Variants in THAP3 observed in about 807,000 individuals in gnomAD.
THAP3 encodes the protein THAP domain-containing protein 3.
Under a neutral mutation model 17.7 loss-of-function variants are expected in THAP3, and 12 were observed. The ratio of observed to expected loss-of-function variants is 0.68; its 90% CI spans 0.43 to 1.10. The LOEUF (loss-of-function observed/expected upper bound fraction) is 1.10, where lower values mean the gene tolerates loss of function less well. THAP3 is among the 50% of genes least tolerant of loss of function. The pLI is 0.00. For synonymous variants in THAP3, 133 were observed against 126.9 expected, an observed-to-expected ratio of 1.05 and a Z score of -0.32; for missense variants, 289 against 318.0, an observed-to-expected ratio of 0.91 and a Z score of 0.69.
rs918441700 is a variant in THAP3, at chr1:6,628,830, G to A, written c.267+139G>A. ...GTGACAACAGCACTGTCACGCCTCT[G>A]GGGTCCACAGCCCTGTGGCCCTGCT... On this transcript the variant is annotated intron_variant, in intron 3 of 5. Coordinates refer to ENST00000054650, the MANE Select transcript of THAP3 (RefSeq NM_001195753.2). 8.6e-6 allele frequency: 7 copies of A among 815,592 alleles called. No individual in the cohort carries two copies. The African/African-American group carries it at 1.2e-4, about 14-fold the overall frequency. The allele number at this position is 815,592 out of a possible 1,614,324, so 50.5% of individuals were successfully genotyped here.
Position 6,633,219 on chromosome 1 carries a change from GCCAAGCTC to G in THAP3, c.*145_*152del, listed in dbSNP as rs1380695551. ...TGCTTGGCCGGGGATCGAGACAGTA[GCCAAGCTC>G]CCCGGCGAGAGCCCCAATGCCGTCT... On this transcript the variant is annotated 3_prime_UTR_variant, in exon 6 of 6. Transcript: ENST00000054650. The G allele has an allele frequency of 6.9e-7, 1 of 1,449,246 alleles. No homozygotes were observed. The highest frequency in any genetic ancestry group is 1.4e-5 in the African/African-American group (1 of 69,848). 89.8% of individuals were successfully genotyped at this position (1,449,246 alleles called of 1,614,324 possible).
At chr1:6,625,012 C>T (rs1641419790) in intron 1 of THAP3, 58 bp downstream of exon 1, 2 of 562,018 alleles carry the variant, frequency 3.6e-6, no homozygotes, top group South Asian at 4.3e-5. Context: ...AATTGGGGCC[C>T]GGAGCACCCC....
rs1376189773 is a variant in THAP3, at chr1:6,633,371, CGCAGA to C, written c.*298_*302del. 18 of 1,282,122 alleles carry C rather than the reference CGCAGA, an allele frequency of 1.4e-5. No homozygotes were observed. Among genetic ancestry groups the C allele is most frequent in the East Asian group, 7.3e-5 (2 of 27,348 alleles). The allele number at this position is 1,282,122 out of a possible 1,614,324, so 79.4% of individuals were successfully genotyped here. ...TTCTGGACGCTGTCCTTTCAGCACA[CGCAGA>C]GCAAAGATCGTTGGAAGCCCCAGTG... On this transcript the variant is annotated 3_prime_UTR_variant, in exon 6 of 6. Transcript: ENST00000054650.
chr1:6,627,439 A>C (rs1332269162), intron 2 of THAP3, among the ~76,000 whole-genome samples: 1 of 152,214 alleles, frequency 6.6e-6, no homozygotes, highest in Non-Finnish European at 1.5e-5. Flanking sequence ...GTCTCGGCTC[A>C]CTGCAGCCTC....
intron 4 of THAP3, among the ~76,000 whole-genome samples, chr1:6,631,092 C>A (rs1003440822): frequency 6.6e-6 from 1 of 152,028 alleles, no homozygotes; most frequent in Middle Eastern, 3.4e-3. Flanking sequence ...GCAGCCTCAA[C>A]CTCCCAGGAT....
downstream of THAP3, chr1:6,634,245 C>G: frequency 1.1e-6 from 1 of 872,030 alleles, no homozygotes; most frequent in Non-Finnish European, 1.7e-6. Flanking sequence ...GGATGGGTGC[C>G]CAGAAGCACC....
At chr1:6,634,445 TG>T (rs1641714549), downstream of THAP3, 2 of 1,288,070 alleles carry the variant, frequency 1.6e-6, no homozygotes, top group Non-Finnish European at 2.0e-6. Context: ...ATACCAGTGC[TG>T]GGGAGGGAGG....
chr1:6,626,369 CCCT>C (rs1363391696), intron 2 of THAP3, among the ~76,000 whole-genome samples: 3 of 152,006 alleles, frequency 2.0e-5, no homozygotes, highest in African/African-American at 7.3e-5. Context: ...CCCTCCCAGG[CCCT>C]CCTCCTCTCT....
intron 2 of THAP3, 117 bp from the exon 3 acceptor site, chr1:6,628,382 G>T (rs781053657): frequency 1.5e-5 from 12 of 782,212 alleles, no homozygotes; most frequent in Non-Finnish European, 2.4e-5. Flanking sequence ...AAACCGAGAG[G>T]ACTGAATGTC....
rs1452101426 is a variant in THAP3 at position 6,632,458 on chromosome 1, T to C, written c.401T>C (p.Leu134Pro). The C allele has an allele frequency of 6.2e-7, 1 of 1,614,148 alleles. No homozygotes were observed. Among genetic ancestry groups the C allele is most frequent in the Non-Finnish European group, 8.5e-7 (1 of 1,180,018 alleles). Residue 134 changes from leucine (L) to proline (P), a missense_variant, in exon 5 of 6, where the codon CTT becomes CCT. Physicochemically the swap from Leu to Pro is moderately conservative, Grantham distance 98. Transcript: ENST00000054650. ...GRNMDTALEELQLPPNAEGHV... is the reference protein window; with the variant it reads ...GRNMDTALEEPQLPPNAEGHV... Reference sequence around the variant, plus strand: ...AACATGGACACTGCACTTGAAGAGCTTCAGTTGCCCCCAAATGCCGAAGGC... The same window carrying C: ...AACATGGACACTGCACTTGAAGAGCCTCAGTTGCCCCCAAATGCCGAAGGC...
chr1:6,634,178 G>A (rs1641707167), downstream of THAP3: 3 of 1,289,988 alleles, frequency 2.3e-6, no homozygotes, highest in Non-Finnish European at 2.2e-6. Context: ...TCTGCTTTCA[G>A]GAAAGGTTTA....
chr1:6,634,651 G>A, downstream of THAP3: 1 of 1,366,476 alleles, frequency 7.3e-7, no homozygotes, highest in Non-Finnish European at 9.8e-7. Flanking sequence ...GCCGTGGAGG[G>A]GGTCCTAGCT....
At chr1:6,634,612 C>T (rs780539536), downstream of THAP3, 51 of 1,366,242 alleles carry the variant, frequency 3.7e-5, no homozygotes, top group Non-Finnish European at 4.9e-5. Context: ...AGACAGGCCT[C>T]ACGTAACTTT....
downstream of THAP3, chr1:6,634,384 C>A: frequency 8.4e-7 from 1 of 1,191,880 alleles, no homozygotes; most frequent in Non-Finnish European, 1.1e-6. Flanking sequence ...AATTGGACAA[C>A]CCGAACTGCT....
At chr1:6,634,986 GC>G, downstream of THAP3, 1 of 729,160 alleles carries the variant, frequency 1.4e-6, no homozygotes, top group Non-Finnish European at 1.9e-6. Flanking sequence ...GATACGGGAA[GC>G]CACCTGTGTC....
chr1:6,634,807 C>T, downstream of THAP3: 2 of 1,283,448 alleles, frequency 1.6e-6, no homozygotes, highest in Non-Finnish European at 2.0e-6. Flanking sequence ...ACGGGCCGGG[C>T]CTGGGGTCCA....
At chr1:6,634,035 G>T, downstream of THAP3, 1 of 1,613,654 alleles carries the variant, frequency 6.2e-7, no homozygotes, top group South Asian at 1.1e-5. Flanking sequence ...GTTGTTTAAT[G>T]TAGAAAATGG....
At chr1:6,633,647 G>T, downstream of THAP3, 2 of 1,007,488 alleles carry the variant, frequency 2.0e-6, no homozygotes, top group Non-Finnish European at 2.4e-6. Context: ...AGTGGCTCAT[G>T]CCTGTAATCC....
At chr1:6,632,046 C>CA (rs35349874) in intron 4 of THAP3, among the ~76,000 whole-genome samples, 75,924 of 111,158 alleles carry the variant, frequency 0.68, 24,824 homozygotes, top group Middle Eastern at 0.81. Context: ...GATTCCGTCT[C>CA]AAAAAAAAAA....
Sources: allele counts gnomAD v4.1 joint callset (sites outside exome capture counted in the v4.1 genomes callset), GRCh38; gene constraint gnomAD v4.1.1; transcripts MANE v1.5; gene names NCBI Gene and HGNC (gene_info 2026-07-23, HGNC 2026-07-21).